The following RBFOX1 variants were observed in gnomAD, a reference collection of about 807,000 sequenced individuals.
RBFOX1 encodes the protein RNA binding protein fox-1 homolog 1.
Under a neutral mutation model 57.7 loss-of-function variants are expected in RBFOX1, and 8 were observed. The observed-to-expected ratio is 0.14, with a 90% confidence interval of 0.08 to 0.25. RBFOX1 has a LOEUF of 0.25. Among genes scored for constraint, RBFOX1 ranks in the 10% least tolerant of loss-of-function variants. The probability of loss-of-function intolerance (pLI) is 1.00; values close to 1 mark genes in which losing one functional copy is unlikely to be tolerated. For synonymous variants in RBFOX1, 326 were observed against 222.4 expected (o/e 1.47, Z -4.15); for missense variants, 611 against 548.5 (o/e 1.11, Z -1.14).
At chr16:6,402,223 T>C (rs1313286110) in intron 2 of RBFOX1, among the ~76,000 whole-genome samples, 1 of 152,114 alleles carries the variant, frequency 6.6e-6, no homozygotes, top group Non-Finnish European at 1.5e-5. Flanking sequence ...ACTAGGCATA[T>C]AGGAATGACC....
At chr16:7,016,322 G>A (rs1257095519) in intron 3 of RBFOX1, among the ~76,000 whole-genome samples, 1 of 152,122 alleles carries the variant, frequency 6.6e-6, no homozygotes, top group Non-Finnish European at 1.5e-5. Context: ...TGAAGACTGG[G>A]AGTTAATATG....
At chr16:7,486,600 C>G (rs2047795513) in intron 4 of RBFOX1, among the ~76,000 whole-genome samples, 1 of 152,144 alleles carries the variant, frequency 6.6e-6, no homozygotes, top group Non-Finnish European at 1.5e-5. Flanking sequence ...AGCAAAGCAC[C>G]TGGCATTCAC....
chr16:6,999,449 A>G (rs894325736), intron 3 of RBFOX1, among the ~76,000 whole-genome samples: 2 of 149,392 alleles, frequency 1.3e-5, no homozygotes, highest in African/African-American at 2.5e-5. Context: ...TTTATTTTTT[A>G]TTTGAGACGG....
chr16:7,541,568 C>G (rs1169066617), intron 5 of RBFOX1, among the ~76,000 whole-genome samples: 1 of 152,036 alleles, frequency 6.6e-6, no homozygotes, highest in Non-Finnish European at 1.5e-5. Flanking sequence ...CCTGCTTATT[C>G]CATCTAGACT....
intron 3 of RBFOX1, among the ~76,000 whole-genome samples, chr16:6,792,309 T>G (rs1426075584): frequency 1.3e-5 from 2 of 152,188 alleles, no homozygotes; most frequent in African/African-American, 2.4e-5. Context: ...AAAACGTTGC[T>G]CAGGATGATC....
At chr16:7,347,699 T>C (rs2097042275) in intron 4 of RBFOX1, among the ~76,000 whole-genome samples, 1 of 152,232 alleles carries the variant, frequency 6.6e-6, no homozygotes, top group Admixed American at 6.5e-5. Context: ...ATTCAACTTT[T>C]GCTTTCTCAG....
chr16:7,066,803 C>T (rs924116535), intron 4 of RBFOX1, among the ~76,000 whole-genome samples: 1 of 152,114 alleles, frequency 6.6e-6, no homozygotes, highest in African/African-American at 2.4e-5. Flanking sequence ...AGGTTTGGTT[C>T]AATAAGAGGA....
At chr16:6,230,947 C>G (rs918888507) in intron 1 of RBFOX1, among the ~76,000 whole-genome samples, 1 of 152,112 alleles carries the variant, frequency 6.6e-6, no homozygotes, top group African/African-American at 2.4e-5. Flanking sequence ...AGATGTAGCC[C>G]TCTGACTTTA....
chr16:6,324,637 A>G (rs760729666), intron 2 of RBFOX1, among the ~76,000 whole-genome samples: 3 of 152,172 alleles, frequency 2.0e-5, no homozygotes, highest in Non-Finnish European at 4.4e-5. Context: ...TGTTCATGAG[A>G]AACTGCCCCC....
intron 2 of RBFOX1, among the ~76,000 whole-genome samples, chr16:6,434,697 C>T (rs1462355532): frequency 6.6e-6 from 1 of 152,200 alleles, no homozygotes; most frequent in Admixed American, 6.5e-5. Flanking sequence ...TCCTTTCCAT[C>T]ATTGATAAAA....
chr16:5,493,636 A>G (rs1358453673), intron 2 of RBFOX1, among the ~76,000 whole-genome samples: 1 of 152,208 alleles, frequency 6.6e-6, no homozygotes, highest in Admixed American at 6.5e-5. Flanking sequence ...GTGAATGACA[A>G]TACCGATCTG....
chr16:7,566,209 G>A lies in RBFOX1; in HGVS notation c.271-13568G>A, dbSNP rs185030211. 3.2e-3 allele frequency among the ~76,000 whole-genome samples: 489 copies of A among 152,210 alleles called. 18 individuals carry two copies. Among genetic ancestry groups the A allele is most frequent in the Admixed American group, 0.032 (485 of 15,266 alleles). ...AACCTGTCAGTGAGGGCTTAACAGA[G>A]GTCAACCCAGGACTCTAGTAGTTCA... On this transcript the variant is annotated intron_variant, in intron 5 of 15. Transcript: ENST00000550418.
chr16:7,693,471 T>C, intron 14 of RBFOX1: 2 of 874,850 alleles, frequency 2.3e-6, no homozygotes, highest in South Asian at 3.5e-5. Context: ...TCTAGAAAGT[T>C]TAGTTAAGAA....
intron 2 of RBFOX1, among the ~76,000 whole-genome samples, chr16:6,566,014 A>G (rs1417873995): frequency 6.6e-6 from 1 of 152,230 alleles, no homozygotes; most frequent in Admixed American, 6.5e-5. Flanking sequence ...ATGCAGGGTC[A>G]CAGGTTACAC....
At chr16:7,471,458 A>T (rs1442200612) in intron 4 of RBFOX1, among the ~76,000 whole-genome samples, 1 of 152,106 alleles carries the variant, frequency 6.6e-6, no homozygotes, top group African/African-American at 2.4e-5. Flanking sequence ...ACTCATTTTT[A>T]TTGCTGTCAG....
intron 2 of RBFOX1, among the ~76,000 whole-genome samples, chr16:6,644,892 C>T (rs988804011): frequency 6.6e-6 from 1 of 152,202 alleles, no homozygotes; most frequent in Non-Finnish European, 1.5e-5. Context: ...CAAGAGAGAT[C>T]AGCACAAAGA....
intron 3 of RBFOX1, among the ~76,000 whole-genome samples, chr16:5,859,355 C>T (rs1273925717): frequency 6.6e-6 from 1 of 152,204 alleles, no homozygotes; most frequent in East Asian, 1.9e-4. Flanking sequence ...GCTATCCATT[C>T]TCAATCTCCA....
At chr16:6,802,679 A>G (rs76924196) in intron 3 of RBFOX1, among the ~76,000 whole-genome samples, 2,036 of 152,328 alleles carry the variant, frequency 0.013, 44 homozygotes, top group African/African-American at 0.046. Context: ...CGTCTCAATT[A>G]AAAACAAAAA....
At chr16:5,405,010 A>G (rs891558847) in intron 1 of RBFOX1, among the ~76,000 whole-genome samples, 3 of 152,218 alleles carry the variant, frequency 2.0e-5, no homozygotes, top group African/African-American at 4.8e-5. Context: ...ACATGCAATA[A>G]TTCATTCTGT....
Sources: gnomAD v4.1 joint callset for allele counts (sites outside exome capture counted in the v4.1 genomes callset) on GRCh38, gnomAD v4.1.1 for gene constraint, MANE v1.5 for transcripts, NCBI Gene and HGNC (gene_info 2026-07-23, HGNC 2026-07-21) for gene names.